Variants in GUCY1B1 observed in about 807,000 individuals in gnomAD.
The protein encoded by GUCY1B1 is guanylate cyclase soluble subunit beta-1.
GUCY1B1 carries 43 observed loss-of-function variants against 71.0 expected under a neutral mutation model. The ratio of observed to expected loss-of-function variants is 0.61; its 90% CI spans 0.47 to 0.78. The LOEUF (loss-of-function observed/expected upper bound fraction) is 0.78. Ranked by LOEUF, GUCY1B1 falls within the 30% of genes least tolerant of loss-of-function variation. The probability of loss-of-function intolerance (pLI) is 0.00; values close to 1 mark genes in which losing one functional copy is unlikely to be tolerated. For missense variants in GUCY1B1, 535 were observed against 754.1 expected, an observed-to-expected ratio of 0.71 and a Z score of 3.40; for synonymous variants, 266 against 259.7, an observed-to-expected ratio of 1.02 and a Z score of -0.23.
chr4:155,771,393 C>G (rs1462730649), intron 2 of GUCY1B1, among the ~76,000 whole-genome samples: 1 of 152,168 alleles, frequency 6.6e-6, no homozygotes, highest in Non-Finnish European at 1.5e-5. Flanking sequence ...GGCTGTTCCC[C>G]TGTTTTATGC....
intron 2 of GUCY1B1, among the ~76,000 whole-genome samples, chr4:155,770,875 A>G (rs1407907676): frequency 6.6e-6 from 1 of 152,140 alleles, no homozygotes; most frequent in Non-Finnish European, 1.5e-5. Flanking sequence ...TCATGTCTTT[A>G]TCCAGAGCTA....
At chr4:155,791,555 C>A (rs1458624430) in intron 5 of GUCY1B1, among the ~76,000 whole-genome samples, 2 of 149,754 alleles carry the variant, frequency 1.3e-5, no homozygotes, top group Non-Finnish European at 3.0e-5. Context: ...ACGGTGAAAC[C>A]CCGTCTCTAC....
chr4:155,803,942 A>G (rs1294966749), intron 11 of GUCY1B1, among the ~76,000 whole-genome samples, 178 bp downstream of exon 11: 1 of 152,182 alleles, frequency 6.6e-6, no homozygotes, highest in Non-Finnish European at 1.5e-5. Flanking sequence ...AGATTTATCT[A>G]CCTGTTTGAA....
chr4:155,777,759 CGTA>C, intron 4 of GUCY1B1, 117 bp downstream of exon 4: 1 of 561,824 alleles, frequency 1.8e-6, no homozygotes, highest in Non-Finnish European at 3.2e-6. Context: ...GAAATGGAAT[CGTA>C]GTCACCTTTT....
At chr4:155,779,042 C>T (rs572092448) in intron 4 of GUCY1B1, among the ~76,000 whole-genome samples, 3 of 151,696 alleles carry the variant, frequency 2.0e-5, no homozygotes, top group South Asian at 4.2e-4. Flanking sequence ...AGAGAGCAAG[C>T]GGCCTTTTAG....
intron 2 of GUCY1B1, among the ~76,000 whole-genome samples, chr4:155,761,419 A>G (rs532559131): frequency 2.0e-5 from 3 of 152,290 alleles, no homozygotes; most frequent in South Asian, 4.1e-4. Context: ...TTGCTGGTAG[A>G]TATGCTATGA....
intron 2 of GUCY1B1, among the ~76,000 whole-genome samples, chr4:155,773,116 C>A (rs1303724861): frequency 1.3e-5 from 2 of 152,304 alleles, no homozygotes; most frequent in South Asian, 2.1e-4. Flanking sequence ...CCTTTGTATT[C>A]TCTTGGCAAT....
intron 2 of GUCY1B1, among the ~76,000 whole-genome samples, chr4:155,763,037 T>C (rs1223002303): frequency 6.6e-6 from 1 of 152,206 alleles, no homozygotes; most frequent in African/African-American, 2.4e-5. Flanking sequence ...AAAAAAATTA[T>C]CAGGGTAGAA....
intron 2 of GUCY1B1, among the ~76,000 whole-genome samples, chr4:155,760,480 C>T (rs1736928056): frequency 9.1e-6 from 1 of 110,282 alleles, no homozygotes; most frequent in South Asian, 3.3e-4. Context: ...GAAGACTTAA[C>T]AGTTCTAGGA....
At position 155,801,351 on chromosome 4, in the gene GUCY1B1, T is replaced by C. The variant is rs1739938615; in HGVS notation, c.1176-991T>C. On this transcript the variant is annotated intron_variant, in intron 9 of 13. Coordinates refer to ENST00000264424, the MANE Select transcript of GUCY1B1 (RefSeq NM_000857.5). ...ATTATTAGATTTAGAATTTGGTTTT[T>C]GTAGATATTTGGGTTTCAAGGTGAT... is the stretch of plus-strand genomic sequence containing the variant. 2.6e-5 allele frequency among the ~76,000 whole-genome samples: 4 copies of C among 152,360 alleles called. No homozygotes were observed. The South Asian group carries it at 8.3e-4, about 32-fold the overall frequency.
chr4:155,784,817 T>A (rs1738657576), intron 4 of GUCY1B1, among the ~76,000 whole-genome samples: 2 of 152,180 alleles, frequency 1.3e-5, no homozygotes, highest in Admixed American at 1.3e-4. Flanking sequence ...GTAGTTGACT[T>A]CTGGGGACTT....
chr4:155,790,505 C>T (rs1166116469), intron 5 of GUCY1B1, among the ~76,000 whole-genome samples: 2 of 152,080 alleles, frequency 1.3e-5, no homozygotes, highest in African/African-American at 4.8e-5. Flanking sequence ...ATAGGGCAAC[C>T]GTACAACAAA....
chr4:155,779,721 T>A (rs1466693152), intron 4 of GUCY1B1, among the ~76,000 whole-genome samples: 3 of 152,224 alleles, frequency 2.0e-5, no homozygotes, highest in Non-Finnish European at 4.4e-5. Context: ...TACACAGAAA[T>A]TAAATGGACT....
chr4:155,793,907 GA>G lies in GUCY1B1; in HGVS notation c.552del (p.Glu185SerfsTer37). 6.3e-7 allele frequency: 1 copy of G among 1,588,596 alleles called. No homozygotes were observed. Among genetic ancestry groups the G allele is most frequent in the South Asian group, 1.1e-5 (1 of 90,548 alleles). On this transcript the variant is annotated frameshift_variant, in exon 6 of 14. Coordinates refer to ENST00000264424, the MANE Select transcript of GUCY1B1 (RefSeq NM_000857.5). LOFTEE classifies it high-confidence loss of function. Reference sequence around the variant, plus strand: ...TGATCATACTCAATTTTTAATTGAAGAAAAAGAGTCAAAAGAAGAGGATTTT... The same window carrying G: ...TGATCATACTCAATTTTTAATTGAAGAAAAGAGTCAAAAGAAGAGGATTTT... ...ECDHTQFLIE[E>X]KESKEEDFYE...
Position 155,806,650 on chromosome 4 carries a change from A to T in GUCY1B1, c.*241A>T, listed in dbSNP as rs1740338327. ...TTTGGCTTTTGATGTGGATGATGTGAGCTTCATGTGTCTTAAAATCTACTA... is the reference window on the plus strand; with the variant it reads ...TTTGGCTTTTGATGTGGATGATGTGTGCTTCATGTGTCTTAAAATCTACTA... On this transcript the variant is annotated 3_prime_UTR_variant, in exon 14 of 14. Transcript: ENST00000264424. 2.4e-6 allele frequency: 1 copy of T among 420,852 alleles called. No homozygotes were observed. Among genetic ancestry groups the T allele is most frequent in the African/African-American group, 2.0e-5 (1 of 49,144 alleles). 26.1% of individuals were successfully genotyped at this position (420,852 alleles called of 1,614,324 possible). A position where few individuals can be genotyped will look rare whatever the true frequency, so the allele number is the denominator to read the frequency against.
chr4:155,772,653 C>A (rs1737774321), intron 2 of GUCY1B1: 2 of 700,600 alleles, frequency 2.9e-6, no homozygotes, highest in South Asian at 1.5e-5. Flanking sequence ...TTCCTGAGCT[C>A]AACGGATCCT....
At chr4:155,795,730 C>T (rs1739506330) in intron 7 of GUCY1B1, among the ~76,000 whole-genome samples, 1 of 152,094 alleles carries the variant, frequency 6.6e-6, no homozygotes, top group Admixed American at 6.6e-5. Flanking sequence ...ATCTTTTACT[C>T]CCTGTACAGC....
chr4:155,804,535 A>T, intron 11 of GUCY1B1, 58 bp from the exon 12 acceptor site: 7 of 1,435,054 alleles, frequency 4.9e-6, no homozygotes, highest in African/African-American at 1.4e-5. Context: ...AAAATAAAAA[A>T]AAAAAAATTC....
chr4:155,803,064 T>C lies in GUCY1B1; in HGVS notation c.1413+485T>C, dbSNP rs545452962. ...GCCCTTTGTTTCATTTAGAAATAAA[T>C]ATAATATTGGAAAAAAGAAGTCAGT... On this transcript the variant is annotated intron_variant, in intron 10 of 13. Coordinates refer to ENST00000264424, the MANE Select transcript of GUCY1B1 (RefSeq NM_000857.5). 3.9e-5 allele frequency among the ~76,000 whole-genome samples: 6 copies of C among 152,230 alleles called. No individual in the cohort carries two copies. The South Asian group carries it at 1.2e-3, about 32-fold the overall frequency.
Sources: allele counts gnomAD v4.1 joint callset (sites outside exome capture counted in the v4.1 genomes callset), GRCh38; gene constraint gnomAD v4.1.1; transcripts MANE v1.5; gene names NCBI Gene and HGNC (gene_info 2026-07-23, HGNC 2026-07-21).